The following UBE3D variants were observed in gnomAD, a reference collection of about 807,000 sequenced individuals.
UBE3D encodes the protein E3 ubiquitin-protein ligase E3D.
Under a neutral mutation model 49.6 loss-of-function variants are expected in UBE3D, and 48 were observed. The observed-to-expected ratio is 0.97, with a 90% CI of 0.77 to 1.23. UBE3D has a LOEUF of 1.23. Ranked by LOEUF, UBE3D falls within the 50% of genes most tolerant of loss-of-function variation. The probability of loss-of-function intolerance (pLI) is 0.00; values close to 1 mark genes in which losing one functional copy is unlikely to be tolerated. For synonymous variants in UBE3D, 189 were observed against 174.2 expected (o/e 1.08, Z -0.67); for missense variants, 452 against 468.4 (o/e 0.96, Z 0.32).
At chr6:82,943,735 A>G (rs1775190977) in intron 9 of UBE3D, among the ~76,000 whole-genome samples, 2 of 152,232 alleles carry the variant, frequency 1.3e-5, no homozygotes, top group Admixed American at 1.3e-4. Flanking sequence ...AGAATAGGAA[A>G]CAGTCTTGAA....
intron 3 of UBE3D, among the ~76,000 whole-genome samples, chr6:83,052,777 G>A (rs1477494041): frequency 6.6e-6 from 1 of 152,110 alleles, no homozygotes. Flanking sequence ...GAAATGGGGG[G>A]CCATGGAGGG....
chr6:83,003,568 A>C (rs1779775681), intron 8 of UBE3D, among the ~76,000 whole-genome samples: 1 of 152,188 alleles, frequency 6.6e-6, no homozygotes. Context: ...TTATTAGGCA[A>C]TTTTGTCTTT....
chr6:82,929,228 A>C (rs1365156007), intron 9 of UBE3D, among the ~76,000 whole-genome samples: 1 of 152,182 alleles, frequency 6.6e-6, no homozygotes, highest in African/African-American at 2.4e-5. Flanking sequence ...TTTGTCTTAC[A>C]TAACTGTGGG....
intron 5 of UBE3D, among the ~76,000 whole-genome samples, chr6:83,030,114 T>A (rs1307604379): frequency 6.6e-6 from 1 of 152,200 alleles, no homozygotes; most frequent in Non-Finnish European, 1.5e-5. Flanking sequence ...CAGAGTTGTG[T>A]TAGGGCAGAG....
At chr6:83,031,972 G>T (rs915966371) in intron 5 of UBE3D, among the ~76,000 whole-genome samples, 3 of 152,196 alleles carry the variant, frequency 2.0e-5, no homozygotes, top group Non-Finnish European at 4.4e-5. Flanking sequence ...TTCTGAGACT[G>T]TATGGAAACG....
At chr6:82,898,712 G>T (rs1333696852) in intron 9 of UBE3D, among the ~76,000 whole-genome samples, 1 of 152,096 alleles carries the variant, frequency 6.6e-6, no homozygotes, top group East Asian at 1.9e-4. Context: ...AGCATTAGGA[G>T]AAATACCTAA....
At chr6:82,978,363 T>G (rs1281188551) in intron 8 of UBE3D, among the ~76,000 whole-genome samples, 1 of 152,202 alleles carries the variant, frequency 6.6e-6, no homozygotes, top group Admixed American at 6.5e-5. Context: ...GACCCCAAAG[T>G]TTCCTGACTT....
chr6:83,044,725 G>T, intron 3 of UBE3D, 66 bp from the exon 4 acceptor site: 1 of 1,289,478 alleles, frequency 7.8e-7, no homozygotes, highest in South Asian at 1.3e-5. Flanking sequence ...TTAATTAAAT[G>T]ACCATAAAAG....
intron 8 of UBE3D, among the ~76,000 whole-genome samples, chr6:83,005,109 A>T (rs1281434738): frequency 6.9e-6 from 1 of 144,850 alleles, no homozygotes; most frequent in Non-Finnish European, 1.5e-5. Context: ...ATTATTATCC[A>T]GAATATAAAG....
At chr6:82,890,467 C>A (rs981533938), downstream of UBE3D, among the ~76,000 whole-genome samples, 1 of 152,182 alleles carries the variant, frequency 6.6e-6, no homozygotes, top group Non-Finnish European at 1.5e-5. Flanking sequence ...CAATGGAGAC[C>A]TGTTGAGCTT....
intron 8 of UBE3D, among the ~76,000 whole-genome samples, chr6:82,965,673 T>C (rs1776869277): frequency 6.6e-6 from 1 of 151,662 alleles, no homozygotes; most frequent in African/African-American, 2.4e-5. Context: ...GTGATATAAT[T>C]AAGAACATAA....
chr6:83,020,398 T>C (rs993590312), intron 7 of UBE3D, among the ~76,000 whole-genome samples: 2 of 151,686 alleles, frequency 1.3e-5, no homozygotes, highest in African/African-American at 4.9e-5. Flanking sequence ...TATATATAGT[T>C]GTATATGGAA....
chr6:82,984,007 C>T lies in UBE3D; in HGVS notation c.1011-26557G>A, dbSNP rs1215509421. ...TAACTATGTAAAATATATACTTGTT[C>T]CCAAGTCAAATCTATGAAATCAGAT... is the stretch of plus-strand genomic sequence containing the variant. On this transcript the variant is annotated intron_variant, in intron 8 of 9. Transcript: ENST00000369747. 2.6e-5 allele frequency among the ~76,000 whole-genome samples: 4 copies of T among 151,916 alleles called. No individual in the cohort carries two copies. The East Asian group carries it at 7.7e-4, about 29-fold the overall frequency.
intron 9 of UBE3D, among the ~76,000 whole-genome samples, chr6:82,910,439 A>G (rs986866259): frequency 1.3e-5 from 2 of 152,184 alleles, no homozygotes; most frequent in Non-Finnish European, 2.9e-5. Context: ...CTGAAAAGAG[A>G]CTGGGAGATT....
intron 8 of UBE3D, among the ~76,000 whole-genome samples, chr6:82,958,852 C>T (rs1348033441): frequency 6.6e-6 from 1 of 152,040 alleles, no homozygotes; most frequent in Non-Finnish European, 1.5e-5. Context: ...AGGAAGTGGC[C>T]AAAGCAAGAT....
intron 5 of UBE3D, among the ~76,000 whole-genome samples, chr6:83,034,984 T>G (rs1394369144): frequency 6.6e-6 from 1 of 151,890 alleles, no homozygotes; most frequent in Non-Finnish European, 1.5e-5. Context: ...GAGTTTAAGA[T>G]CAGCCTGGGC....
intron 8 of UBE3D, among the ~76,000 whole-genome samples, chr6:82,979,158 C>A (rs1777937385): frequency 6.6e-6 from 1 of 152,096 alleles, no homozygotes; most frequent in Non-Finnish European, 1.5e-5. Flanking sequence ...AGCCCCAGTA[C>A]CTAGCACATC....
intron 9 of UBE3D, among the ~76,000 whole-genome samples, chr6:82,914,671 A>G (rs1168053484): frequency 6.6e-6 from 1 of 152,208 alleles, no homozygotes; most frequent in African/African-American, 2.4e-5. Context: ...ATCCTATACA[A>G]TATTAACAAA....
intron 9 of UBE3D, among the ~76,000 whole-genome samples, chr6:82,901,632 G>A (rs1286044853): frequency 2.0e-5 from 3 of 152,132 alleles, no homozygotes; most frequent in Non-Finnish European, 2.9e-5. Context: ...CTAATTAGGC[G>A]AGGACTCAAA....
Sources: gnomAD v4.1 joint callset for allele counts (sites outside exome capture counted in the v4.1 genomes callset) on GRCh38, gnomAD v4.1.1 for gene constraint, MANE v1.5 for transcripts, NCBI Gene and HGNC (gene_info 2026-07-23, HGNC 2026-07-21) for gene names.